The following ALS2 variants were observed in gnomAD, a reference collection of about 807,000 sequenced individuals.
The protein encoded by ALS2 is alsin Rho guanine nucleotide exchange factor ALS2.
A neutral mutation model predicts 203.4 loss-of-function variants in ALS2; 117 were observed. The observed-to-expected ratio is 0.58, with a 90% CI of 0.50 to 0.67. The LOEUF is 0.67. Ranked by LOEUF, ALS2 falls within the 30% of genes least tolerant of loss-of-function variation. The pLI, the probability that ALS2 is intolerant of heterozygous loss-of-function variation, is 0.00. For synonymous variants in ALS2, 718 were observed against 725.9 expected, an observed-to-expected ratio of 0.99 and a Z score of 0.17; for missense variants, 1,715 against 1,989.4, an observed-to-expected ratio of 0.86 and a Z score of 2.62.
intron 2 of ALS2, among the ~76,000 whole-genome samples, chr2:201,768,615 T>C (rs1380269444): frequency 6.6e-6 from 1 of 152,188 alleles, no homozygotes; most frequent in East Asian, 1.9e-4. Flanking sequence ...AAACCTGAAA[T>C]TATTTGTGAG....
intron 4 of ALS2, among the ~76,000 whole-genome samples, chr2:201,758,228 A>G (rs1693522325): frequency 6.6e-6 from 1 of 152,318 alleles, no homozygotes; most frequent in Middle Eastern, 3.4e-3. Context: ...GATTTTATGA[A>G]GAAAAAAAAA....
At chr2:201,713,875 G>A (rs1559037717) in intron 25 of ALS2, among the ~76,000 whole-genome samples, 1 of 152,088 alleles carries the variant, frequency 6.6e-6, no homozygotes, top group South Asian at 2.1e-4. Flanking sequence ...AGTAATTTTG[G>A]TTAATGTCTT....
At chr2:201,728,071 C>T (rs928499914) in intron 15 of ALS2, among the ~76,000 whole-genome samples, 1 of 152,186 alleles carries the variant, frequency 6.6e-6, no homozygotes, top group Non-Finnish European at 1.5e-5. Flanking sequence ...GAAATCCATG[C>T]TGTAGCTAAA....
intron 14 of ALS2, 31 bp downstream of exon 14, chr2:201,729,021 A>ACCAT (rs1350660619): frequency 1.2e-6 from 2 of 1,614,064 alleles, no homozygotes; most frequent in South Asian, 1.1e-5. Flanking sequence ...GCTGTTTGCT[A>ACCAT]GGGTAACAAA....
chr2:201,718,281 A>T (rs1221124537), intron 23 of ALS2, 71 bp from the exon 24 acceptor site: 1 of 1,520,274 alleles, frequency 6.6e-7, no homozygotes, highest in African/African-American at 1.4e-5. Context: ...TTATTTAGAG[A>T]CAGAGTCTCA....
chr2:201,757,766 T>C lies in ALS2; in HGVS notation c.1114-7A>G, dbSNP rs377341424. 1.5e-5 allele frequency: 24 copies of C among 1,583,098 alleles called. No homozygotes were observed. The African/African-American group carries it at 3.1e-4, about 20-fold the overall frequency. On this transcript the variant is annotated splice_region_variant and splice_polypyrimidine_tract_variant and intron_variant, in intron 4 of 33. Transcript: ENST00000264276. ...TTGCTTCTTCTAAAAGAGGCTAAAA[T>C]ATACACACATAAAAAATTATATAAA...
chr2:201,733,315 G>C lies in ALS2; in HGVS notation c.2541C>G (p.Tyr847Ter). ...TAGCAAGCTTTAGCAAAACTTTTGC[G>C]TAATTATGAAGTCGTCTGATTGGCA... Reference protein sequence around the residue: ...FFLPIRRLHNYAKVLLKLATC... With the variant: ...FFLPIRRLHN Residue 847 changes from tyrosine to a stop codon, truncating the protein, a stop_gained, in exon 13 of 34, where the codon TAC becomes TAG. Transcript: ENST00000264276. LOFTEE classifies it high-confidence loss of function. The C allele has an allele frequency of 1.9e-6, 3 of 1,613,828 alleles. No individual in the cohort carries two copies. The highest frequency in any genetic ancestry group is 2.5e-6 in the Non-Finnish European group (3 of 1,179,894).
chr2:201,719,308 G>A (rs1204970855), intron 23 of ALS2, among the ~76,000 whole-genome samples: 1 of 152,178 alleles, frequency 6.6e-6, no homozygotes, highest in African/African-American at 2.4e-5. Flanking sequence ...AAGGGCCAGA[G>A]GGTTGGGCGC....
chr2:201,702,878 G>A (rs2105961209), intron 33 of ALS2, among the ~76,000 whole-genome samples: 1 of 152,322 alleles, frequency 6.6e-6, no homozygotes, highest in Middle Eastern at 3.4e-3. Context: ...CGTTTTGGGA[G>A]GCCAAGGCGG....
chr2:201,704,394 T>C (rs1217428132), intron 32 of ALS2, 60 bp downstream of exon 32: 1 of 1,603,094 alleles, frequency 6.2e-7, no homozygotes, highest in Non-Finnish European at 8.5e-7. Context: ...GTTCAGAAAA[T>C]GCAAGCAGCA....
At chr2:201,735,315 C>A (rs1321699958) in intron 12 of ALS2, among the ~76,000 whole-genome samples, 1 of 151,962 alleles carries the variant, frequency 6.6e-6, no homozygotes, top group Non-Finnish European at 1.5e-5. Context: ...GTATTTGATG[C>A]CCCCTAAATT....
At chr2:201,724,033 C>T (rs1023085045) in intron 21 of ALS2, among the ~76,000 whole-genome samples, 1 of 151,934 alleles carries the variant, frequency 6.6e-6, no homozygotes, top group African/African-American at 2.4e-5. Flanking sequence ...TAGGAGGATC[C>T]CTTGAACCCA....
intron 33 of ALS2, 151 bp from the exon 34 acceptor site, chr2:201,702,040 C>A: frequency 1.4e-6 from 1 of 731,940 alleles, no homozygotes; most frequent in Middle Eastern, 3.9e-4. Flanking sequence ...TTCCCTGTTC[C>A]CTTCTAGTTC....
At chr2:201,725,276 A>G in intron 20 of ALS2, 80 bp downstream of exon 20, 1 of 1,182,124 alleles carries the variant, frequency 8.5e-7, no homozygotes, top group Admixed American at 1.7e-5. Flanking sequence ...TAAAACTTGG[A>G]AATTTTGGCT....
intron 3 of ALS2, chr2:201,765,486 G>A (rs1364717420): frequency 6.0e-6 from 1 of 166,940 alleles, no homozygotes; most frequent in South Asian, 2.1e-4. Flanking sequence ...AAGTCCTGAA[G>A]AATAATATTA....
chr2:201,729,273 G>A (rs191681363), intron 13 of ALS2, 90 bp from the exon 14 acceptor site: 2 of 1,406,094 alleles, frequency 1.4e-6, no homozygotes, highest in East Asian at 2.5e-5. Context: ...TAGACATATA[G>A]TATTAAATGT....
intron 8 of ALS2, among the ~76,000 whole-genome samples, chr2:201,749,146 C>A (rs748512362): frequency 5.3e-5 from 8 of 151,798 alleles, no homozygotes; most frequent in Non-Finnish European, 1.0e-4. Flanking sequence ...TGCTACAGAA[C>A]TTCATCAAAG....
chr2:201,761,301 T>G lies in ALS2; in HGVS notation c.693A>C (p.Arg231=), dbSNP rs376371384. Reference sequence around the variant, plus strand: ...TCAAGAGCTGGCTGCACTGGTTGCATCGTTCTGGGACTGGCTTCAGATCCT... The same window carrying G: ...TCAAGAGCTGGCTGCACTGGTTGCAGCGTTCTGGGACTGGCTTCAGATCCT... ...PSQDLKPVPE[R]CNQCSQLLIT... is the part of the protein sequence containing the mutation. Residue 231 remains arginine, a synonymous_variant, in exon 4 of 34, where the codon CGA becomes CGC. Coordinates refer to ENST00000264276, the MANE Select transcript of ALS2 (RefSeq NM_020919.4). The G allele has an allele frequency of 2.5e-6, 4 of 1,614,036 alleles. No homozygotes were observed. Among genetic ancestry groups the G allele is most frequent in the African/African-American group, 2.7e-5 (2 of 74,918 alleles).
rs776008304 is a variant in ALS2, at chr2:201,757,416, C to A, written c.1457G>T (p.Gly486Val). The change falls in exon 5 of 34, where the codon GGA (glycine) becomes GTA (valine). Residue 486 changes from glycine (G) to valine (V), a missense_variant. This residue lies in a region of ALS2 where 1,227 missense variants were observed against 1,413.5 expected (regional missense o/e 0.87). Coordinates refer to ENST00000264276, the MANE Select transcript of ALS2 (RefSeq NM_020919.4). ...TATTTCCTTACCTTGTGACAACAAT[C>A]CAGGGAGGGAGAGTCTTCGACTGCC... ...EGGSRRLSLP[G>V]LLSQVSPRLL... is the part of the protein sequence containing the mutation. 1.2e-6 allele frequency: 2 copies of A among 1,613,846 alleles called. No homozygotes were observed. The highest frequency in any genetic ancestry group is 1.1e-5 in the South Asian group (1 of 91,068).
Sources: allele counts gnomAD v4.1 joint callset (sites outside exome capture counted in the v4.1 genomes callset), GRCh38; gene constraint gnomAD v4.1.1; regional missense constraint gnomAD v4.1.1; transcripts MANE v1.5; gene names NCBI Gene and HGNC (gene_info 2026-07-23, HGNC 2026-07-21).